PAPOLA: variants seen among roughly 807,000 people sequenced by gnomAD.
PAPOLA encodes the protein poly(A) polymerase alpha, also known as polynucleotide adenylyltransferase alpha.
PAPOLA carries 15 observed loss-of-function variants against 100.6 expected under a neutral mutation model. That is an observed-to-expected ratio of 0.15 (90% CI 0.10 to 0.23). The LOEUF (loss-of-function observed/expected upper bound fraction) is 0.23. PAPOLA is among the 10% of genes least tolerant of loss of function. PAPOLA has a pLI of 1.00. For synonymous variants in PAPOLA, 293 were observed against 300.0 expected (o/e 0.98, Z 0.24); for missense variants, 533 against 884.2 (o/e 0.60, Z 5.04).
At chr14:96,549,064 T>A (rs1301699926) in intron 16 of PAPOLA, among the ~76,000 whole-genome samples, 1 of 152,088 alleles carries the variant, frequency 6.6e-6, no homozygotes, top group Non-Finnish European at 1.5e-5. Flanking sequence ...AGGTATTTCA[T>A]GAGGATTAAA....
chr14:96,536,122 T>TA, intron 11 of PAPOLA, 123 bp downstream of exon 11: 2 of 671,740 alleles, frequency 3.0e-6, no homozygotes, highest in Non-Finnish European at 4.5e-6. Flanking sequence ...TGGTGTTCAT[T>TA]TATTTATTAC....
Position 96,566,043 on chromosome 14 carries a change from C to T in PAPOLA, c.*993C>T. On this transcript the variant is annotated 3_prime_UTR_variant, in exon 22 of 22. Transcript: ENST00000216277. ...ACTTGAGGGTGACTAAAAGTAATGC[C>T]TGTGAAACATGATATCTATCTGGGA... 1 of 396,498 alleles carries T rather than the reference C, an allele frequency of 2.5e-6. No individual in the cohort carries two copies. The highest frequency in any genetic ancestry group is 3.6e-5 in the East Asian group (1 of 28,052). 24.6% of individuals were successfully genotyped at this position (396,498 alleles called of 1,614,324 possible).
chr14:96,522,072 G>A (rs1013986613), intron 3 of PAPOLA, among the ~76,000 whole-genome samples: 1 of 149,918 alleles, frequency 6.7e-6, no homozygotes, highest in African/African-American at 2.5e-5. Flanking sequence ...AAAGTGCTTG[G>A]GATTATAGGC....
chr14:96,536,849 C>A, intron 11 of PAPOLA, 127 bp from the exon 12 acceptor site: 1 of 611,246 alleles, frequency 1.6e-6, no homozygotes, highest in Non-Finnish European at 3.0e-6. Flanking sequence ...AAATCATAAG[C>A]TAAAACTATA....
At chr14:96,506,406 T>G (rs1005577448) in intron 1 of PAPOLA, among the ~76,000 whole-genome samples, 1 of 152,168 alleles carries the variant, frequency 6.6e-6, no homozygotes, top group African/African-American at 2.4e-5. Flanking sequence ...GCTAAACTGG[T>G]GTTCTCATGG....
intron 7 of PAPOLA, 138 bp from the exon 8 acceptor site, chr14:96,532,193 G>T: frequency 1.4e-6 from 2 of 1,400,662 alleles, no homozygotes; most frequent in Non-Finnish European, 9.2e-7. Context: ...AAAAATTTAT[G>T]TTTACTTTTA....
Position 96,542,277 on chromosome 14 carries a change from GA to G in PAPOLA, c.1155del (p.Lys385AsnfsTer32). 1 of 1,600,122 alleles carries G rather than the reference GA, an allele frequency of 6.2e-7. No individual in the cohort carries two copies. The highest frequency in any genetic ancestry group is 8.6e-7 in the Non-Finnish European group (1 of 1,167,894). On this transcript the variant is annotated frameshift_variant, in exon 13 of 22. Coordinates refer to ENST00000216277, the MANE Select transcript of PAPOLA (RefSeq NM_032632.5). LOFTEE classifies it high-confidence loss of function. ...YIVLLASAPTEKQRLEWVGLV... is the reference protein window; with the variant it reads ...YIVLLASAPTXKQRLEWVGLV... ...TGTACTTCTAGCAAGTGCACCAACA[GA>G]AAAACAACGCCTGGAATGGTGAGTA...
chr14:96,560,539 C>T, intron 19 of PAPOLA, 110 bp from the exon 20 acceptor site: 1 of 713,852 alleles, frequency 1.4e-6, no homozygotes, highest in Non-Finnish European at 2.4e-6. Context: ...TGTAGTTGAT[C>T]TTACAGGTTT....
intron 2 of PAPOLA, among the ~76,000 whole-genome samples, chr14:96,520,551 A>G (rs1897868287): frequency 6.6e-6 from 1 of 151,866 alleles, no homozygotes; most frequent in Non-Finnish European, 1.5e-5. Context: ...AATTTTTTGT[A>G]TTTTTAGTAG....
At chr14:96,524,477 TTTCCCCTTCCCG>T (rs1437639622) in intron 3 of PAPOLA, among the ~76,000 whole-genome samples, 3 of 152,210 alleles carry the variant, frequency 2.0e-5, no homozygotes, top group South Asian at 2.1e-4. Context: ...CTGCTGTCCC[TTTCCCCTTCCCG>T]TTCCCCTTCC....
At chr14:96,534,436 C>T (rs372344806) in intron 9 of PAPOLA, 55 bp from the exon 10 acceptor site, 18 of 1,592,872 alleles carry the variant, frequency 1.1e-5, no homozygotes, top group African/African-American at 1.3e-5. Context: ...TAACAAAATA[C>T]GTTTAGATGG....
intron 4 of PAPOLA, chr14:96,526,177 T>G (rs1426104875): frequency 1.3e-5 from 2 of 152,250 alleles, no homozygotes; most frequent in Non-Finnish European, 2.9e-5. Flanking sequence ...TTTATTGAGC[T>G]TCTTTTCTTT....
intron 1 of PAPOLA, among the ~76,000 whole-genome samples, chr14:96,505,919 G>C (rs1896681799): frequency 1.3e-5 from 2 of 151,636 alleles, no homozygotes; most frequent in Admixed American, 1.3e-4. Context: ...GCTTCCTTCC[G>C]TTCTTGACGG....
chr14:96,549,185 A>G (rs960371735), intron 16 of PAPOLA, among the ~76,000 whole-genome samples: 18 of 151,980 alleles, frequency 1.2e-4, no homozygotes, highest in African/African-American at 4.4e-4. Context: ...CAACTTGGAG[A>G]TAGGTAGATA....
chr14:96,540,685 G>A (rs1167086385), intron 12 of PAPOLA, among the ~76,000 whole-genome samples: 3 of 152,032 alleles, frequency 2.0e-5, no homozygotes, highest in African/African-American at 7.3e-5. Flanking sequence ...TAGGAGTTTG[G>A]ACTGCATATT....
chr14:96,531,800 G>T, intron 7 of PAPOLA: 1 of 1,434,684 alleles, frequency 7.0e-7, no homozygotes, highest in African/African-American at 1.4e-5. Flanking sequence ...TGTCATTAAT[G>T]GTATACTCAG....
Position 96,540,250 on chromosome 14 carries a change from G to C in PAPOLA, c.1116-1993G>C, listed in dbSNP as rs148869342. ...TATTAAGAATTTCCATTTTAATAAT[G>C]TGTTGTAAGAGTGATTTAGAGACTG... On this transcript the variant is annotated intron_variant, in intron 12 of 21. Transcript: ENST00000216277. Among the ~76,000 whole-genome samples, 620 of 152,264 alleles carry C rather than the reference G, an allele frequency of 4.1e-3. 3 individuals carry two copies. The highest frequency in any genetic ancestry group is 0.014 in the African/African-American group (588 of 41,544).
chr14:96,507,754 A>AG (rs1191665792), intron 1 of PAPOLA, among the ~76,000 whole-genome samples: 1 of 152,212 alleles, frequency 6.6e-6, no homozygotes, highest in African/African-American at 2.4e-5. Flanking sequence ...CAACTCGTAA[A>AG]GGGGTCCTGA....
At chr14:96,519,390 T>G (rs1417648537) in intron 1 of PAPOLA, among the ~76,000 whole-genome samples, 1 of 152,152 alleles carries the variant, frequency 6.6e-6, no homozygotes, top group African/African-American at 2.4e-5. Context: ...GAAAAAAGAT[T>G]GAGTCAGATT....
Sources: gnomAD v4.1 joint callset for allele counts (sites outside exome capture counted in the v4.1 genomes callset) on GRCh38, gnomAD v4.1.1 for gene constraint, MANE v1.5 for transcripts, NCBI Gene and HGNC (gene_info 2026-07-23, HGNC 2026-07-21) for gene names.